CSMD1: variants seen among roughly 807,000 people sequenced by gnomAD.
CSMD1 encodes CUB and Sushi multiple domains 1.
A neutral mutation model predicts 417.5 loss-of-function variants in CSMD1; 213 were observed. That is an observed-to-expected ratio of 0.51 (90% CI 0.46 to 0.57). The LOEUF is 0.57. Among genes scored for constraint, CSMD1 ranks in the 20% least tolerant of loss-of-function variants. The pLI is 0.00. For missense variants in CSMD1, 6,923 were observed against 4,529.7 expected (o/e 1.53, Z -15.17); for synonymous variants, 2,862 against 1,736.8 (o/e 1.65, Z -16.11).
At chr8:4,077,297 G>GTATATATATATATATATATATATGGGTA (rs1799873861) in intron 3 of CSMD1, among the ~76,000 whole-genome samples, 1 of 121,290 alleles carries the variant, frequency 8.2e-6, no homozygotes, top group African/African-American at 3.5e-5. Flanking sequence ...ATATATATGT[G>GTATATATATATATATATATATATGGGTA]TATATATATA....
chr8:4,068,186 G>A (rs1370893710), intron 3 of CSMD1, among the ~76,000 whole-genome samples: 1 of 152,162 alleles, frequency 6.6e-6, no homozygotes, highest in Non-Finnish European at 1.5e-5. Context: ...GAAAGGGGTG[G>A]CAGAAGGGCA....
chr8:3,838,622 AATT>A (rs1585070967), intron 5 of CSMD1, among the ~76,000 whole-genome samples: 1 of 136,302 alleles, frequency 7.3e-6, no homozygotes, highest in East Asian at 2.1e-4. Flanking sequence ...ATAATAAATA[AATT>A]AATATATAAT....
At chr8:3,705,088 T>C (rs1238337086) in intron 7 of CSMD1, among the ~76,000 whole-genome samples, 1 of 152,170 alleles carries the variant, frequency 6.6e-6, no homozygotes, top group Non-Finnish European at 1.5e-5. Flanking sequence ...AAGAAGCCAG[T>C]CAGGCAAGGC....
At chr8:3,888,385 G>C (rs1160980500) in intron 5 of CSMD1, among the ~76,000 whole-genome samples, 1 of 152,172 alleles carries the variant, frequency 6.6e-6, no homozygotes, top group African/African-American at 2.4e-5. Flanking sequence ...GCTTCATAGA[G>C]AAGCCTATTT....
intron 1 of CSMD1, among the ~76,000 whole-genome samples, chr8:4,684,981 G>GA (rs1391533711): frequency 6.6e-6 from 1 of 151,958 alleles, no homozygotes. Flanking sequence ...ATGATAGTAA[G>GA]AAAAAAAGTG....
intron 1 of CSMD1, among the ~76,000 whole-genome samples, chr8:4,981,662 C>T (rs1390288507): frequency 2.0e-4 from 30 of 152,120 alleles, no homozygotes; most frequent in Admixed American, 2.0e-3. Context: ...TATTACTTTT[C>T]TAGAAGAGTG....
At chr8:4,337,396 A>C (rs1033786711) in intron 3 of CSMD1, among the ~76,000 whole-genome samples, 2 of 152,094 alleles carry the variant, frequency 1.3e-5, no homozygotes, top group African/African-American at 4.8e-5. Flanking sequence ...GTAAACAGGT[A>C]TTTTGTTTCA....
intron 6 of CSMD1, among the ~76,000 whole-genome samples, chr8:3,715,927 T>C (rs535180449): frequency 6.6e-6 from 1 of 152,198 alleles, no homozygotes; most frequent in Non-Finnish European, 1.5e-5. Flanking sequence ...CTGCAGCCCC[T>C]ACTCCCTGTG....
At chr8:4,038,657 T>C (rs1322424410) in intron 3 of CSMD1, among the ~76,000 whole-genome samples, 1 of 152,164 alleles carries the variant, frequency 6.6e-6, no homozygotes. Context: ...TAATTCTCTT[T>C]ATTTATTTCC....
At chr8:3,677,657 A>C (rs960083449) in intron 7 of CSMD1, among the ~76,000 whole-genome samples, 1 of 152,142 alleles carries the variant, frequency 6.6e-6, no homozygotes, top group African/African-American at 2.4e-5. Flanking sequence ...ACATGAAAAG[A>C]TATCTATCCT....
intron 1 of CSMD1, among the ~76,000 whole-genome samples, chr8:4,743,343 A>C (rs1285035942): frequency 6.6e-6 from 1 of 152,208 alleles, no homozygotes; most frequent in Admixed American, 6.5e-5. Flanking sequence ...ATGGACAAAA[A>C]CCAAACAGCC....
intron 6 of CSMD1, among the ~76,000 whole-genome samples, chr8:3,719,939 G>C (rs1029273896): frequency 6.6e-6 from 1 of 152,080 alleles, no homozygotes; most frequent in Non-Finnish European, 1.5e-5. Flanking sequence ...CAGATTCCTC[G>C]TGTGTTTAAT....
chr8:3,955,300 C>A (rs1021305687), intron 5 of CSMD1, among the ~76,000 whole-genome samples: 18 of 152,188 alleles, frequency 1.2e-4, no homozygotes, highest in African/African-American at 4.1e-4. Context: ...ACACCAAACA[C>A]ACATCCAGTG....
intron 18 of CSMD1, among the ~76,000 whole-genome samples, chr8:3,382,601 T>A (rs1166781290): frequency 1.4e-5 from 2 of 142,120 alleles, no homozygotes; most frequent in African/African-American, 5.1e-5. Flanking sequence ...TATCTCTATA[T>A]AATATATAAT....
chr8:4,861,286 G>A (rs1802115633), intron 1 of CSMD1, among the ~76,000 whole-genome samples: 1 of 152,100 alleles, frequency 6.6e-6, no homozygotes, highest in Non-Finnish European at 1.5e-5. Flanking sequence ...CAAAGGTACA[G>A]TATGCACATA....
intron 5 of CSMD1, among the ~76,000 whole-genome samples, chr8:3,782,252 T>G (rs1799222769): frequency 6.6e-6 from 1 of 152,186 alleles, no homozygotes; most frequent in South Asian, 2.1e-4. Context: ...GTTAGTTTTG[T>G]GCTTGCTTTG....
chr8:4,515,462 C>G (rs1431768168), intron 2 of CSMD1, among the ~76,000 whole-genome samples: 1 of 152,120 alleles, frequency 6.6e-6, no homozygotes, highest in African/African-American at 2.4e-5. Context: ...AATATCTGAT[C>G]TGGATTTAAA....
intron 2 of CSMD1, among the ~76,000 whole-genome samples, chr8:4,635,218 T>G (rs1335772846): frequency 6.6e-6 from 1 of 152,190 alleles, no homozygotes. Context: ...AAAAACATTC[T>G]GTTGTACATA....
At chr8:4,214,219 T>C (rs890003) in intron 3 of CSMD1, among the ~76,000 whole-genome samples, 152,106 of 152,298 alleles carry the variant, frequency 1, 75,957 homozygotes, top group Middle Eastern at 1. Flanking sequence ...ATTAAATGAA[T>C]GGACTAAAAT....
Sources: gnomAD v4.1 joint callset for allele counts (sites outside exome capture counted in the v4.1 genomes callset) on GRCh38, gnomAD v4.1.1 for gene constraint, MANE v1.5 for transcripts, NCBI Gene and HGNC (gene_info 2026-07-23, HGNC 2026-07-21) for gene names.